TIAM1: variants seen among roughly 807,000 people sequenced by gnomAD.
TIAM1 encodes rho guanine nucleotide exchange factor TIAM1.
In TIAM1, 65 loss-of-function variants were observed where a neutral mutation model predicts 163.5. The ratio of observed to expected loss-of-function variants is 0.40; its 90% confidence interval spans 0.33 to 0.49. The LOEUF (loss-of-function observed/expected upper bound fraction) is 0.49, where lower values mean the gene tolerates loss of function less well. Ranked by LOEUF, TIAM1 falls within the 20% of genes least tolerant of loss-of-function variation. The pLI is 0.77. For missense variants in TIAM1, 1,789 were observed against 2,044.7 expected (o/e 0.87, Z 2.41); for synonymous variants, 833 against 810.1 (o/e 1.03, Z -0.48).
chr21:31,291,379 C>A (rs1042458148), intron 2 of TIAM1, among the ~76,000 whole-genome samples: 2 of 152,210 alleles, frequency 1.3e-5, no homozygotes, highest in Admixed American at 6.5e-5. Flanking sequence ...AGCTTCCAAT[C>A]CAGAAAGTCT....
rs192861432 is a variant in TIAM1, at chr21:31,327,305, C to T, written c.-189+11938G>A. On this transcript the variant is annotated intron_variant, in intron 2 of 27. Coordinates refer to ENST00000541036, the MANE Select transcript of TIAM1 (RefSeq NM_001353694.2). ...TTCTAGAATTCATCAGCTAAGTACC[C>T]TTATAGGATAAAAAGTCCCTTTCTT... Among the ~76,000 whole-genome samples the T allele has an allele frequency of 1.7e-3, 259 of 152,178 alleles. 5 individuals carry two copies. The South Asian group carries it at 0.029, about 17-fold the overall frequency.
rs535379334 is a variant in TIAM1 at position 31,164,959 on chromosome 21, C to A, written c.2991+3G>T. Reference sequence around the variant, plus strand: ...ATGGGATGTGAAAATGAAAATCTCTCACCTTGCTGCTGTGATCAGTCTCAT... The same window carrying A: ...ATGGGATGTGAAAATGAAAATCTCTAACCTTGCTGCTGTGATCAGTCTCAT... On this transcript the variant is annotated splice_donor_region_variant and intron_variant, in intron 16 of 27. Coordinates refer to ENST00000541036, the MANE Select transcript of TIAM1 (RefSeq NM_001353694.2). The A allele has an allele frequency of 4.3e-6, 7 of 1,613,764 alleles. No homozygotes were observed. Among genetic ancestry groups the A allele is most frequent in the Non-Finnish European group, 5.1e-6 (6 of 1,179,874 alleles).
chr21:31,517,441 T>C (rs2047422552), intron 1 of TIAM1, among the ~76,000 whole-genome samples: 1 of 152,186 alleles, frequency 6.6e-6, no homozygotes, highest in African/African-American at 2.4e-5. Flanking sequence ...ACTATTACTA[T>C]GATTACTCAT....
chr21:31,348,793 C>T (rs1408796741), upstream of TIAM1, among the ~76,000 whole-genome samples: 1 of 152,156 alleles, frequency 6.6e-6, no homozygotes, highest in African/African-American at 2.4e-5. Flanking sequence ...GTTCACCTTT[C>T]TAGGCAAAGT....
chr21:31,398,309 T>G (rs563784418), intron 2 of TIAM1, among the ~76,000 whole-genome samples: 1 of 152,208 alleles, frequency 6.6e-6, no homozygotes, highest in Admixed American at 6.5e-5. Context: ...TTACTTTTTA[T>G]GCCATCCTTC....
At chr21:31,132,664 G>T (rs1323512968) in intron 23 of TIAM1, among the ~76,000 whole-genome samples, 1 of 152,092 alleles carries the variant, frequency 6.6e-6, no homozygotes, top group East Asian at 1.9e-4. Context: ...ACAGCAGGAG[G>T]GCCAGAAAGT....
intron 2 of TIAM1, among the ~76,000 whole-genome samples, chr21:31,459,471 G>T (rs2045242277): frequency 6.6e-6 from 1 of 152,100 alleles, no homozygotes; most frequent in African/African-American, 2.4e-5. Context: ...CACCCAAAAA[G>T]AGAAATATCT....
intron 15 of TIAM1, among the ~76,000 whole-genome samples, chr21:31,171,751 T>C (rs187049456): frequency 2.1e-4 from 32 of 152,328 alleles, no homozygotes; most frequent in Middle Eastern, 3.4e-3. Flanking sequence ...TTTGATAATA[T>C]GTTAATTGTG....
intron 2 of TIAM1, among the ~76,000 whole-genome samples, chr21:31,413,453 G>A (rs962513729): frequency 2.0e-5 from 3 of 151,670 alleles, no homozygotes; most frequent in Non-Finnish European, 2.9e-5. Flanking sequence ...TGTATTTGCA[G>A]TAGAGACGGG....
intron 4 of TIAM1, among the ~76,000 whole-genome samples, chr21:31,260,771 T>G (rs1036465028): frequency 3.3e-5 from 5 of 151,304 alleles, no homozygotes; most frequent in Non-Finnish European, 7.4e-5. Flanking sequence ...AAAATCGATT[T>G]TACATGAAAA....
At chr21:31,285,094 C>T (rs540420953) in intron 2 of TIAM1, among the ~76,000 whole-genome samples, 3 of 152,254 alleles carry the variant, frequency 2.0e-5, no homozygotes, top group Non-Finnish European at 2.9e-5. Context: ...GTCTTTCAGC[C>T]AAAAATACAG....
At chr21:31,186,617 A>G (rs2085317051) in intron 14 of TIAM1, among the ~76,000 whole-genome samples, 1 of 152,070 alleles carries the variant, frequency 6.6e-6, no homozygotes, top group African/African-American at 2.4e-5. Context: ...TGAAAAATAA[A>G]TAAGTAAATA....
chr21:31,164,820 CTG>C, intron 16 of TIAM1, 140 bp downstream of exon 16: 1 of 724,058 alleles, frequency 1.4e-6, no homozygotes, highest in Non-Finnish European at 2.3e-6. Flanking sequence ...ATTTCATTTC[CTG>C]CTATTCAGCA....
intron 1 of TIAM1, among the ~76,000 whole-genome samples, chr21:31,528,828 TAA>T (rs35640976): frequency 0.16 from 24,038 of 148,206 alleles, 2,380 homozygotes; most frequent in Middle Eastern, 0.22. Flanking sequence ...ACAAACAAAT[TAA>T]AAAAAAAAAA....
In TIAM1 at chr21:31,124,629, C is replaced by G; in HGVS notation, c.4199G>C (p.Arg1400Thr). Residue 1400 changes from arginine (R) to threonine (T), a missense_variant, in exon 27 of 28, where the codon AGA becomes ACA. Physicochemically the swap from Arg to Thr is moderately conservative, Grantham distance 71. Transcript: ENST00000541036. Reference protein sequence around the residue: ...VHSILRDKHRRQLLKTESLPS... With the variant: ...VHSILRDKHRTQLLKTESLPS... ...AAGGCTCTCGGTTTTGAGGAGCTGT[C>G]TTCTGTGCTTATCACGCAGGATTGA... 1 of 1,613,626 alleles carries G rather than the reference C, an allele frequency of 6.2e-7. No homozygotes were observed. The highest frequency in any genetic ancestry group is 8.5e-7 in the Non-Finnish European group (1 of 1,179,766).
At chr21:31,149,651 T>C (rs1265770323) in intron 19 of TIAM1, among the ~76,000 whole-genome samples, 1 of 152,228 alleles carries the variant, frequency 6.6e-6, no homozygotes, top group Non-Finnish European at 1.5e-5. Flanking sequence ...TTAGCTACTT[T>C]AGGTTAAAAC....
At chr21:31,363,246 T>A (rs1043684597) in intron 2 of TIAM1, among the ~76,000 whole-genome samples, 1 of 152,160 alleles carries the variant, frequency 6.6e-6, no homozygotes, top group Non-Finnish European at 1.5e-5. Flanking sequence ...AAAACAGGGA[T>A]GAAAGACAGA....
chr21:31,509,656 G>A (rs1444557485), intron 1 of TIAM1, among the ~76,000 whole-genome samples: 1 of 152,192 alleles, frequency 6.6e-6, no homozygotes, highest in East Asian at 1.9e-4. Context: ...AGAGAGGCAG[G>A]GAGTTAAGAC....
At chr21:31,124,931 A>C (rs748224067) in intron 26 of TIAM1, among the ~76,000 whole-genome samples, 1 of 152,222 alleles carries the variant, frequency 6.6e-6, no homozygotes, top group Admixed American at 6.5e-5. Flanking sequence ...AGAGTAGCCC[A>C]TTAACGAACA....
Sources: allele counts gnomAD v4.1 joint callset (sites outside exome capture counted in the v4.1 genomes callset), GRCh38; gene constraint gnomAD v4.1.1; transcripts MANE v1.5; gene names NCBI Gene and HGNC (gene_info 2026-07-23, HGNC 2026-07-21).